The following MORC1 variants were observed in gnomAD, a reference collection of about 807,000 sequenced individuals.
MORC1 encodes MORC family CW-type zinc finger protein 1.
MORC1 carries 59 observed loss-of-function variants against 134.9 expected under a neutral mutation model. The observed-to-expected ratio is 0.44, with a 90% CI of 0.35 to 0.54. The LOEUF (loss-of-function observed/expected upper bound fraction) is 0.54, where lower values mean the gene tolerates loss of function less well. MORC1 is among the 20% of genes least tolerant of loss of function. MORC1 has a pLI of 0.00. For synonymous variants in MORC1, 395 were observed against 391.7 expected, an observed-to-expected ratio of 1.01 and a Z score of -0.10; for missense variants, 947 against 1,134.5, an observed-to-expected ratio of 0.83 and a Z score of 2.37.
chr3:109,078,726 T>C (rs1950469918), intron 8 of MORC1, among the ~76,000 whole-genome samples: 1 of 151,712 alleles, frequency 6.6e-6, no homozygotes, highest in Admixed American at 6.6e-5. Flanking sequence ...ATTTTAAAAA[T>C]CCAAAACTGT....
rs1281325134 is a variant in MORC1, at chr3:108,958,842, TTTC to T, written c.*120_*122del. ...CAATTTTCTTATTTGAAAAAAATTA[TTTC>T]TTATTTCTTATTGTTAAACAGAATA... On this transcript the variant is annotated 3_prime_UTR_variant, in exon 28 of 28. Transcript: ENST00000232603. The T allele has an allele frequency of 2.7e-5, 16 of 594,442 alleles. No individual in the cohort carries two copies. Among genetic ancestry groups the T allele is most frequent in the Non-Finnish European group, 3.9e-5 (15 of 381,058 alleles). The allele number at this position is 594,442 out of a possible 1,614,324, so 36.8% of individuals were successfully genotyped here. A position where few individuals can be genotyped will look rare whatever the true frequency, so the allele number is the denominator to read the frequency against.
chr3:109,065,771 C>T (rs1269739219), intron 9 of MORC1, among the ~76,000 whole-genome samples: 1 of 152,078 alleles, frequency 6.6e-6, no homozygotes, highest in Non-Finnish European at 1.5e-5. Flanking sequence ...GGTCTAGGTG[C>T]CCATCAATGG....
intron 8 of MORC1, among the ~76,000 whole-genome samples, chr3:109,080,233 A>G (rs1950497075): frequency 6.6e-6 from 1 of 152,184 alleles, no homozygotes; most frequent in African/African-American, 2.4e-5. Flanking sequence ...CCTCACAATC[A>G]TGGCAGAAGG....
intron 17 of MORC1, among the ~76,000 whole-genome samples, chr3:109,009,703 C>G (rs2028999): frequency 0.91 from 138,707 of 152,122 alleles, 64,148 homozygotes; most frequent in East Asian, 1. Flanking sequence ...GTTTATACCT[C>G]TTGGTCAAAG....
chr3:108,983,110 G>A (rs1690448531), intron 23 of MORC1, among the ~76,000 whole-genome samples: 1 of 151,898 alleles, frequency 6.6e-6, no homozygotes, highest in Non-Finnish European at 1.5e-5. Context: ...ACACACAAAT[G>A]TGTTTTAGTT....
chr3:109,093,697 G>C (rs1950772910), intron 7 of MORC1, among the ~76,000 whole-genome samples, 156 bp from the exon 8 acceptor site: 1 of 152,208 alleles, frequency 6.6e-6, no homozygotes, highest in Non-Finnish European at 1.5e-5. Context: ...GCTAAGCCAA[G>C]ATATGTCTTC....
chr3:108,964,053 A>G (rs1170432002), intron 26 of MORC1, among the ~76,000 whole-genome samples: 1 of 152,248 alleles, frequency 6.6e-6, no homozygotes, highest in African/African-American at 2.4e-5. Context: ...ATGTAGTGTT[A>G]CTTGTAAGGC....
chr3:108,963,363 C>A (rs1460442538), intron 27 of MORC1, 51 bp downstream of exon 27: 1 of 1,477,270 alleles, frequency 6.8e-7, no homozygotes, highest in East Asian at 2.3e-5. Context: ...TAGCTGAGTT[C>A]TCGTTCCATA....
Position 109,035,113 on chromosome 3 carries a change from T to C in MORC1, c.1459+227A>G, listed in dbSNP as rs530841143. Among the ~76,000 whole-genome samples the C allele has an allele frequency of 2.0e-5, 3 of 152,266 alleles. No homozygotes were observed. In the East Asian group the frequency reaches 5.8e-4, roughly 29 times the overall value. On this transcript the variant is annotated intron_variant, in intron 15 of 27. Transcript: ENST00000232603. The stretch of plus-strand genomic sequence containing the variant: ...ATAGAATCTTGCCTCTACTCCCCCA[T>C]CCTTTTCTTTGAACCCTCAAATAAT...
At chr3:109,053,778 T>C (rs757931931) in intron 14 of MORC1, among the ~76,000 whole-genome samples, 1 of 152,148 alleles carries the variant, frequency 6.6e-6, no homozygotes, top group Non-Finnish European at 1.5e-5. Context: ...CTAAAATATA[T>C]GTTGAAAAAC....
At chr3:109,069,140 G>C (rs1162403872) in intron 9 of MORC1, among the ~76,000 whole-genome samples, 2 of 152,136 alleles carry the variant, frequency 1.3e-5, no homozygotes, top group Admixed American at 1.3e-4. Context: ...TGGGTGACAA[G>C]AGAGACTCTG....
chr3:109,094,162 G>C (rs1002289951), intron 7 of MORC1, among the ~76,000 whole-genome samples: 1 of 152,130 alleles, frequency 6.6e-6, no homozygotes, highest in Non-Finnish European at 1.5e-5. Flanking sequence ...ACAAGAACAG[G>C]TATGGGGCCA....
chr3:109,008,617 TTCAA>T (rs1053838799), intron 17 of MORC1, among the ~76,000 whole-genome samples: 3 of 151,982 alleles, frequency 2.0e-5, no homozygotes, highest in Admixed American at 2.0e-4. Context: ...TTGACATTAG[TTCAA>T]TCATTTTATT....
intron 14 of MORC1, among the ~76,000 whole-genome samples, chr3:109,048,171 G>A (rs1210986485): frequency 3.3e-5 from 5 of 152,232 alleles, no homozygotes; most frequent in African/African-American, 9.6e-5. Context: ...GAAGAACAGA[G>A]AGGAGGGGAG....
chr3:108,980,609 A>C (rs937051202), intron 23 of MORC1, among the ~76,000 whole-genome samples: 1 of 152,156 alleles, frequency 6.6e-6, no homozygotes, highest in African/African-American at 2.4e-5. Context: ...CTTTCTTTAC[A>C]CCAGACCTAG....
chr3:109,031,232 G>C (rs1949234850), intron 16 of MORC1, among the ~76,000 whole-genome samples: 1 of 152,106 alleles, frequency 6.6e-6, no homozygotes, highest in African/African-American at 2.4e-5. Flanking sequence ...CTAAATTCTG[G>C]GATCAAGGGC....
At chr3:109,098,269 G>C (rs1228418360) in intron 6 of MORC1, among the ~76,000 whole-genome samples, 1 of 151,898 alleles carries the variant, frequency 6.6e-6, no homozygotes, top group Non-Finnish European at 1.5e-5. Flanking sequence ...ATGGGAAGTG[G>C]TTGCTGTTTT....
intron 9 of MORC1, among the ~76,000 whole-genome samples, chr3:109,065,046 A>G (rs1371457865): frequency 1.3e-5 from 2 of 152,196 alleles, no homozygotes; most frequent in Non-Finnish European, 2.9e-5. Context: ...ACATATCTGT[A>G]ATCCAGACAC....
chr3:109,001,529 T>C (rs72935343), intron 20 of MORC1, among the ~76,000 whole-genome samples: 1,746 of 152,326 alleles, frequency 0.011, 35 homozygotes, highest in African/African-American at 0.038. Flanking sequence ...CCAGTTGAGT[T>C]GGCTTCTCAA....
Sources: allele counts gnomAD v4.1 joint callset (sites outside exome capture counted in the v4.1 genomes callset), GRCh38; gene constraint gnomAD v4.1.1; transcripts MANE v1.5; gene names NCBI Gene and HGNC (gene_info 2026-07-23, HGNC 2026-07-21).